Variants in ICA1L observed in about 807,000 individuals in gnomAD.
ICA1L encodes islet cell autoantigen 1 like.
Under a neutral mutation model 61.3 loss-of-function variants are expected in ICA1L, and 50 were observed. That is an observed-to-expected ratio of 0.82 (90% confidence interval 0.65 to 1.03). The LOEUF (loss-of-function observed/expected upper bound fraction) is 1.03. Ranked by LOEUF, ICA1L falls within the 50% of genes least tolerant of loss-of-function variation. ICA1L has a pLI of 0.00. For missense variants in ICA1L, 508 were observed against 556.7 expected (o/e 0.91, Z 0.88); for synonymous variants, 161 against 191.3 (o/e 0.84, Z 1.31).
chr2:202,825,470 A>G, intron 3 of ICA1L: 2 of 1,227,890 alleles, frequency 1.6e-6, no homozygotes, highest in African/African-American at 1.6e-5. Flanking sequence ...ACCCTGTCTC[A>G]AAGAAAAAAA....
At chr2:202,844,166 A>T (rs1240273443) in intron 1 of ICA1L, 1 of 152,192 alleles carries the variant, frequency 6.6e-6, no homozygotes. Flanking sequence ...GCTGTGTCAA[A>T]GGATTGGTGT....
At chr2:202,801,285 G>GCTTA (rs1693080641) in intron 9 of ICA1L, among the ~76,000 whole-genome samples, 1 of 152,184 alleles carries the variant, frequency 6.6e-6, no homozygotes, top group South Asian at 2.1e-4. Flanking sequence ...GTAATGATCT[G>GCTTA]CTTTACCTTA....
chr2:202,836,932 C>T (rs1368675992), intron 1 of ICA1L, among the ~76,000 whole-genome samples: 2 of 151,992 alleles, frequency 1.3e-5, no homozygotes, highest in Admixed American at 6.6e-5. Flanking sequence ...ATCTCCACCT[C>T]CCGGGTTCAA....
rs1019731561 is a variant in ICA1L at position 202,779,473 on chromosome 2, G to A, written c.*60C>T. On this transcript the variant is annotated 3_prime_UTR_variant, in exon 13 of 13. Coordinates refer to ENST00000358299, the MANE Select transcript of ICA1L (RefSeq NM_001288622.3). ...GGGTTACAATCTAAATCCTTTCCAC[G>A]AAGGAAATACGTTGCAAAATTGATG... 2.5e-5 allele frequency: 25 copies of A among 1,012,124 alleles called. No homozygotes were observed. Among genetic ancestry groups the A allele is most frequent in the Non-Finnish European group, 3.3e-5 (22 of 658,590 alleles). The allele number at this position is 1,012,124 out of a possible 1,614,324, so 62.7% of individuals were successfully genotyped here.
intron 9 of ICA1L, among the ~76,000 whole-genome samples, chr2:202,799,878 C>CTTTTTT (rs768203103): frequency 7.5e-6 from 1 of 133,952 alleles, no homozygotes; most frequent in Non-Finnish European, 1.6e-5. Flanking sequence ...CTGCTTTATA[C>CTTTTTT]TTTTTTTTTT....
At chr2:202,840,401 A>G (rs1185198032) in intron 1 of ICA1L, 3 of 493,706 alleles carry the variant, frequency 6.1e-6, no homozygotes, top group Non-Finnish European at 1.2e-5. Context: ...CTTCACAACT[A>G]TGGCCCTGGT....
At chr2:202,780,742 C>T (rs144362429) in intron 12 of ICA1L, among the ~76,000 whole-genome samples, 20 of 152,234 alleles carry the variant, frequency 1.3e-4, no homozygotes, top group Admixed American at 6.5e-4. Context: ...GAGTGAAAGG[C>T]TTCACTCTGT....
chr2:202,818,651 G>A (rs1574351351), intron 5 of ICA1L, among the ~76,000 whole-genome samples: 1 of 151,852 alleles, frequency 6.6e-6, no homozygotes, highest in East Asian at 1.9e-4. Flanking sequence ...TAAGTCTCAC[G>A]AGATCTGATG....
intron 1 of ICA1L, among the ~76,000 whole-genome samples, chr2:202,830,472 T>C (rs948046454): frequency 4.5e-4 from 68 of 152,144 alleles, no homozygotes; most frequent in African/African-American, 1.4e-3. Context: ...CATGGCTATA[T>C]AAGGAAATGC....
At chr2:202,809,516 T>C (rs1693315956) in intron 9 of ICA1L, among the ~76,000 whole-genome samples, 1 of 151,894 alleles carries the variant, frequency 6.6e-6, no homozygotes, top group Non-Finnish European at 1.5e-5. Flanking sequence ...GGCATGGTAG[T>C]GCATGCCTGT....
chr2:202,773,816 A>C lies in ICA1L; in HGVS notation c.*5717T>G. 7.2e-7 allele frequency: 1 copy of C among 1,395,748 alleles called. No individual in the cohort carries two copies. The highest frequency in any genetic ancestry group is 1.2e-5 in the South Asian group (1 of 86,320). The allele number at this position is 1,395,748 out of a possible 1,614,324, so 86.5% of individuals were successfully genotyped here. A position where few individuals can be genotyped will look rare whatever the true frequency, so the allele number is the denominator to read the frequency against. ...TAGGCAAGAGCAGGCTGTAAAAGCA[A>C]AGGCTAGCTGTGCAAGTGCAGCCCT... On this transcript the variant is annotated 3_prime_UTR_variant, in exon 13 of 13. Transcript: ENST00000358299.
intron 10 of ICA1L, among the ~76,000 whole-genome samples, chr2:202,791,582 C>T (rs1324430232): frequency 6.6e-6 from 1 of 152,232 alleles, no homozygotes; most frequent in Non-Finnish European, 1.5e-5. Context: ...CACTGTGGCT[C>T]ACACCTGTAA....
intron 1 of ICA1L, chr2:202,860,317 A>G (rs1694877968): frequency 6.7e-6 from 1 of 150,300 alleles, no homozygotes; most frequent in African/African-American, 2.4e-5. Context: ...AATAAATGGG[A>G]AAATAGAAAA....
chr2:202,842,125 G>T (rs1694351191), intron 1 of ICA1L, among the ~76,000 whole-genome samples: 1 of 152,162 alleles, frequency 6.6e-6, no homozygotes, highest in African/African-American at 2.4e-5. Flanking sequence ...AAAGTGCTGG[G>T]ATTACAGGCA....
chr2:202,828,789 C>T, intron 2 of ICA1L, 59 bp downstream of exon 2: 1 of 1,388,188 alleles, frequency 7.2e-7, no homozygotes, highest in Non-Finnish European at 1.0e-6. Flanking sequence ...TGTTGCAGTT[C>T]CCCTTGGAGC....
intron 1 of ICA1L, chr2:202,840,997 C>A: frequency 1.5e-6 from 1 of 673,140 alleles, no homozygotes; most frequent in Non-Finnish European, 2.8e-6. Flanking sequence ...GCCTTGACCT[C>A]AGCGATGATG....
chr2:202,798,229 T>C (rs546309773), intron 9 of ICA1L, among the ~76,000 whole-genome samples: 1 of 152,240 alleles, frequency 6.6e-6, no homozygotes, highest in South Asian at 2.1e-4. Flanking sequence ...ATTAAGGATA[T>C]GCTTTACTTT....
chr2:202,774,402 A>C lies in ICA1L; in HGVS notation c.*5131T>G. On this transcript the variant is annotated 3_prime_UTR_variant, in exon 13 of 13. Transcript: ENST00000358299. ...GAGACCAGGCCTCACTGCGCCTCCA[A>C]CAGCCAGGGTCGAGCCCCTGGCTCC... 9.5e-7 allele frequency: 1 copy of C among 1,053,288 alleles called. No individual in the cohort carries two copies. The highest frequency in any genetic ancestry group is 1.3e-6 in the Non-Finnish European group (1 of 795,604). 65.2% of individuals were successfully genotyped at this position (1,053,288 alleles called of 1,614,324 possible). A position where few individuals can be genotyped will look rare whatever the true frequency, so the allele number is the denominator to read the frequency against.
At chr2:202,782,211 C>A (rs72932720) in intron 12 of ICA1L, among the ~76,000 whole-genome samples, 1 of 151,778 alleles carries the variant, frequency 6.6e-6, no homozygotes, top group Non-Finnish European at 1.5e-5. Context: ...GCCAGGTTTC[C>A]TGGCGTGCCT....
Sources: allele counts gnomAD v4.1 joint callset (sites outside exome capture counted in the v4.1 genomes callset), GRCh38; gene constraint gnomAD v4.1.1; transcripts MANE v1.5; gene names NCBI Gene and HGNC (gene_info 2026-07-23, HGNC 2026-07-21).